The following RGS6 variants were observed in gnomAD, a reference collection of about 807,000 sequenced individuals.
The protein encoded by RGS6 is regulator of G-protein signaling 6.
A neutral mutation model predicts 78.5 loss-of-function variants in RGS6; 30 were observed. That is an observed-to-expected ratio of 0.38 (90% confidence interval 0.29 to 0.52). RGS6 has a LOEUF of 0.52. Among genes scored for constraint, RGS6 ranks in the 20% least tolerant of loss-of-function variants. The pLI, the probability that RGS6 is intolerant of heterozygous loss-of-function variation, is 0.85. For missense variants in RGS6, 495 were observed against 609.7 expected (o/e 0.81, Z 1.98); for synonymous variants, 206 against 206.0 (o/e 1.00, Z 0.00).
chr14:72,169,336 C>T (rs1036583643), intron 2 of RGS6, among the ~76,000 whole-genome samples: 1 of 150,874 alleles, frequency 6.6e-6, no homozygotes, highest in Non-Finnish European at 1.5e-5. Context: ...ATACGGATGT[C>T]TTCTAAGAAG....
At chr14:72,223,710 G>A (rs982086524) in intron 2 of RGS6, among the ~76,000 whole-genome samples, 13 of 152,240 alleles carry the variant, frequency 8.5e-5, no homozygotes, top group African/African-American at 1.9e-4. Flanking sequence ...ACCCAGAGAT[G>A]CAATGGGGTT....
intron 2 of RGS6, among the ~76,000 whole-genome samples, chr14:72,202,934 G>T (rs779444646): frequency 1.3e-5 from 2 of 151,850 alleles, no homozygotes; most frequent in African/African-American, 4.8e-5. Context: ...GTGCAGTGGC[G>T]CCATCTCTGC....
At chr14:72,226,781 C>G (rs1356055345) in intron 2 of RGS6, among the ~76,000 whole-genome samples, 12 of 152,248 alleles carry the variant, frequency 7.9e-5, no homozygotes, top group Admixed American at 7.9e-4. Context: ...TGGCTCACTG[C>G]AACCTCCACC....
chr14:72,214,020 G>T (rs534689589), intron 2 of RGS6, among the ~76,000 whole-genome samples: 1 of 152,170 alleles, frequency 6.6e-6, no homozygotes, highest in South Asian at 2.1e-4. Context: ...GTGGGATATT[G>T]GCTGACCTGG....
intron 12 of RGS6, among the ~76,000 whole-genome samples, chr14:72,489,751 G>GGCGAGGTGAGACGAGGCA (rs2096553059): frequency 3.3e-5 from 4 of 120,614 alleles, no homozygotes; most frequent in Non-Finnish European, 5.4e-5. Context: ...GAGACGAGGC[G>GGCGAGGTGAGACGAGGCA]AGGCGAGGTG....
chr14:72,324,036 A>G (rs2072986509), intron 2 of RGS6, among the ~76,000 whole-genome samples: 1 of 151,990 alleles, frequency 6.6e-6, no homozygotes, highest in Non-Finnish European at 1.5e-5. Context: ...TCTTTGTGTT[A>G]CAAACATTCC....
intron 3 of RGS6, among the ~76,000 whole-genome samples, chr14:72,353,842 G>A (rs1291760577): frequency 1.3e-5 from 2 of 151,900 alleles, no homozygotes; most frequent in Non-Finnish European, 2.9e-5. Context: ...AAATTAGCCG[G>A]GCGTAGTGGT....
intron 2 of RGS6, among the ~76,000 whole-genome samples, chr14:72,071,248 G>T (rs1017367829): frequency 2.6e-5 from 4 of 152,152 alleles, no homozygotes; most frequent in Non-Finnish European, 5.9e-5. Flanking sequence ...ACCAATATAT[G>T]AATTTCTTTA....
At chr14:72,303,941 T>C (rs938451067) in intron 2 of RGS6, among the ~76,000 whole-genome samples, 3 of 152,238 alleles carry the variant, frequency 2.0e-5, no homozygotes, top group Non-Finnish European at 4.4e-5. Flanking sequence ...CTACCAGATA[T>C]TCCCCCCAAC....
intron 3 of RGS6, among the ~76,000 whole-genome samples, chr14:72,396,254 T>C (rs1420877575): frequency 1.3e-5 from 2 of 152,234 alleles, no homozygotes; most frequent in African/African-American, 2.4e-5. Context: ...TGGTATCTCA[T>C]TGTGGTTTTG....
chr14:72,129,895 G>GTATCAACCCAGCATCC (rs1234190150), intron 2 of RGS6, among the ~76,000 whole-genome samples: 2 of 152,134 alleles, frequency 1.3e-5, no homozygotes, highest in Non-Finnish European at 2.9e-5. Context: ...TCGATAACTG[G>GTATCAACCCAGCATCC]TATCAACCCA....
intron 2 of RGS6, among the ~76,000 whole-genome samples, chr14:72,202,179 A>G (rs1386018119): frequency 6.6e-6 from 1 of 152,212 alleles, no homozygotes; most frequent in East Asian, 1.9e-4. Context: ...TGTGTACACA[A>G]ATTAGGGAAT....
At chr14:72,405,960 C>A (rs1419558778) in intron 3 of RGS6, among the ~76,000 whole-genome samples, 1 of 152,194 alleles carries the variant, frequency 6.6e-6, no homozygotes, top group African/African-American at 2.4e-5. Context: ...TCCAAGGTTT[C>A]CTCCAGGATT....
Position 72,448,552 on chromosome 14 carries a change from C to T in RGS6, c.185-5976C>T, listed in dbSNP as rs550142575. 3.3e-5 allele frequency among the ~76,000 whole-genome samples: 5 copies of T among 152,114 alleles called. No homozygotes were observed. The South Asian group carries it at 1.0e-3, about 32-fold the overall frequency. On this transcript the variant is annotated intron_variant, in intron 3 of 17. Coordinates refer to ENST00000553525, the MANE Select transcript of RGS6 (RefSeq NM_001204424.2). Reference sequence around the variant, plus strand: ...TAAAGATTGTCCTACTTAGAATATCCTTCCATTCATTTGCAAAATGGAGAT... The same window carrying T: ...TAAAGATTGTCCTACTTAGAATATCTTTCCATTCATTTGCAAAATGGAGAT...
chr14:72,083,065 C>T (rs1262756640), intron 2 of RGS6, among the ~76,000 whole-genome samples: 1 of 152,158 alleles, frequency 6.6e-6, no homozygotes, highest in Non-Finnish European at 1.5e-5. Flanking sequence ...TAAGAAATGC[C>T]ATTTGCCTTT....
chr14:71,917,336 C>G, the RGS6 span, among the ~76,000 whole-genome samples: 1 of 152,164 alleles, frequency 6.6e-6, no homozygotes, highest in Non-Finnish European at 1.5e-5. Context: ...ATCACAGAGG[C>G]TGCCTGGTGG....
At chr14:72,506,252 A>G (rs986149582) in intron 13 of RGS6, among the ~76,000 whole-genome samples, 4 of 152,348 alleles carry the variant, frequency 2.6e-5, no homozygotes, top group African/African-American at 9.6e-5. Context: ...CTGGAAAGAC[A>G]ATGGCATAAA....
the RGS6 span, among the ~76,000 whole-genome samples, chr14:72,593,952 G>A: frequency 6.7e-6 from 1 of 149,288 alleles, no homozygotes; most frequent in Non-Finnish European, 1.5e-5. Flanking sequence ...GTCATCAGAG[G>A]GGTGGGGGGG....
intron 2 of RGS6, among the ~76,000 whole-genome samples, chr14:72,037,910 T>G (rs1472257815): frequency 1.3e-5 from 2 of 152,148 alleles, no homozygotes; most frequent in African/African-American, 4.8e-5. Flanking sequence ...TGGAAGTCTA[T>G]TCTATGCTGT....
Sources: allele counts gnomAD v4.1 joint callset (sites outside exome capture counted in the v4.1 genomes callset), GRCh38; gene constraint gnomAD v4.1.1; transcripts MANE v1.5; gene names NCBI Gene and HGNC (gene_info 2026-07-23, HGNC 2026-07-21).